ZNF550: variants seen among roughly 807,000 people sequenced by gnomAD.
The protein encoded by ZNF550 is zinc finger protein 550.
ZNF550 carries 42 observed loss-of-function variants against 40.2 expected under a neutral mutation model. That is an observed-to-expected ratio of 1.05 (90% CI 0.82 to 1.35). The LOEUF (loss-of-function observed/expected upper bound fraction) is 1.35. ZNF550 is among the 40% of genes most tolerant of loss of function. The probability of loss-of-function intolerance (pLI) is 0.00; values close to 1 mark genes in which losing one functional copy is unlikely to be tolerated. For synonymous variants in ZNF550, 223 were observed against 198.6 expected (o/e 1.12, Z -1.03); for missense variants, 549 against 525.2 (o/e 1.05, Z -0.44).
Position 57,554,806 on chromosome 19 carries a change from A to G in ZNF550, c.154+1425T>C, listed in dbSNP as rs1478443874. Reference sequence around the variant, plus strand: ...TCTCCCAAGAGCTGAGCTCCCTGTCACTTTTCACACGCTGGTTCCTCCACC... The same window carrying G: ...TCTCCCAAGAGCTGAGCTCCCTGTCGCTTTTCACACGCTGGTTCCTCCACC... On this transcript the variant is annotated intron_variant, in intron 2 of 4. Coordinates refer to ENST00000457177, the Ensembl canonical transcript of ZNF550. This position sits in a 1 kb window ranked among gnomAD's most constrained non-coding sequence, Gnocchi z 4.5. 6.6e-6 allele frequency: 1 copy of G among 152,234 alleles called. No individual in the cohort carries two copies. 9.4% of individuals were successfully genotyped at this position (152,234 alleles called of 1,614,324 possible). A position where few individuals can be genotyped will look rare whatever the true frequency, so the allele number is the denominator to read the frequency against.
At chr19:57,559,577 C>G in intron 1 of ZNF550, 79 bp downstream of exon 1, 1 of 1,379,774 alleles carries the variant, frequency 7.2e-7, no homozygotes, top group Non-Finnish European at 9.6e-7. Context: ...GAGGACGACC[C>G]TGAAACGCCG....
exon 4 of ZNF550, chr19:57,547,013 T>G: frequency 6.2e-7 from 1 of 1,613,374 alleles, no homozygotes; most frequent in Non-Finnish European, 8.5e-7. Flanking sequence ...AGGTGTGACC[T>G]GCGTTTGAAG....
upstream of ZNF550, chr19:57,559,997 T>G (rs2090157452): frequency 2.9e-6 from 1 of 346,596 alleles, no homozygotes; most frequent in Admixed American, 4.7e-5. Context: ...TGTTTCTGTA[T>G]ATCTCAGATG....
exon 4 of ZNF550, chr19:57,546,494 C>T: frequency 1.0e-6 from 1 of 988,902 alleles, no homozygotes; most frequent in Non-Finnish European, 1.2e-6. Flanking sequence ...TAGAGAAAAT[C>T]CCAAGGTGGG....
chr19:57,558,385 A>C (rs1210413736), intron 1 of ZNF550, among the ~76,000 whole-genome samples: 2 of 152,174 alleles, frequency 1.3e-5, no homozygotes. Flanking sequence ...AGCCTTGCAG[A>C]CCATGCTGGT....
At chr19:57,561,028 C>T (rs541250435), upstream of ZNF550, among the ~76,000 whole-genome samples, 1 of 152,300 alleles carries the variant, frequency 6.6e-6, no homozygotes, top group African/African-American at 2.4e-5. This position sits in a 1 kb window ranked among gnomAD's most constrained non-coding sequence, Gnocchi z 4.9. Flanking sequence ...GTTACTGCCC[C>T]CTTTCTCTCT....
At chr19:57,549,991 A>T (rs2090058611) in intron 3 of ZNF550, among the ~76,000 whole-genome samples, 1 of 152,210 alleles carries the variant, frequency 6.6e-6, no homozygotes, top group South Asian at 2.1e-4. Context: ...CATGAGGTTA[A>T]ATGAGAAAAT....
At position 57,544,156 on chromosome 19, in the gene ZNF550, A is replaced by G. The variant is rs544556289; in HGVS notation, c.*519-913T>C. 1.1e-3 allele frequency: 1,118 copies of G among 985,404 alleles called. 2 individuals are homozygous for G. The highest frequency in any genetic ancestry group is 2.6e-3 in the Middle Eastern group (5 of 1,914). 61.0% of individuals were successfully genotyped at this position (985,404 alleles called of 1,614,324 possible). A position where few individuals can be genotyped will look rare whatever the true frequency, so the allele number is the denominator to read the frequency against. On this transcript the variant is annotated intron_variant, in intron 4 of 4. Transcript: ENST00000457177. Reference sequence around the variant, plus strand: ...GGCAGGACCCATAGCCCAGCCATCCACTGCATCCCACTCTTCTAAGTATGA... The same window carrying G: ...GGCAGGACCCATAGCCCAGCCATCCGCTGCATCCCACTCTTCTAAGTATGA...
exon 5 of ZNF550, chr19:57,542,271 G>A (rs1449691927): frequency 6.7e-6 from 1 of 149,800 alleles, no homozygotes; most frequent in Non-Finnish European, 1.5e-5. Context: ...TATGGGAGAG[G>A]AAGGGCAATG....
intron 3 of ZNF550, chr19:57,552,329 A>C (rs1336892005): frequency 6.9e-6 from 3 of 432,418 alleles, no homozygotes; most frequent in Non-Finnish European, 1.2e-5. Context: ...GTGGTTGTCA[A>C]GTATGTGTAC....
upstream of ZNF550, among the ~76,000 whole-genome samples, chr19:57,560,803 A>T (rs1350617218): frequency 6.6e-6 from 1 of 152,166 alleles, no homozygotes; most frequent in Non-Finnish European, 1.5e-5. Context: ...GAAATGGGTC[A>T]AATCTAGCGT....
At chr19:57,553,034 CAG>C (rs888049013) in intron 2 of ZNF550, 3 of 234,498 alleles carry the variant, frequency 1.3e-5, no homozygotes, top group South Asian at 1.3e-4. Flanking sequence ...CTCATAAAAA[CAG>C]AGAGAGATCT....
chr19:57,554,936 C>T lies in ZNF550; in HGVS notation c.154+1295G>A, dbSNP rs2090106278. 1 of 152,254 alleles carries T rather than the reference C, an allele frequency of 6.6e-6. No individual in the cohort carries two copies. The highest frequency in any genetic ancestry group is 2.1e-4 in the South Asian group (1 of 4,832). The allele number at this position is 152,254 out of a possible 1,614,324, so 9.4% of individuals were successfully genotyped here. ...TTCCTGAGATGCCCTCTTTGGAACT[C>T]CCACAATAGGTTATGACATCCTGCT... On this transcript the variant is annotated intron_variant, in intron 2 of 4. Coordinates refer to ENST00000457177, the Ensembl canonical transcript of ZNF550. This position sits in a 1 kb window ranked among gnomAD's most constrained non-coding sequence, Gnocchi z 4.5.
At chr19:57,543,561 A>AT in intron 4 of ZNF550, 1 of 967,684 alleles carries the variant, frequency 1.0e-6, no homozygotes, top group African/African-American at 1.8e-5. Context: ...TTTCTCACAG[A>AT]TTAAGCAGCA....
At chr19:57,544,798 A>G (rs767328343) in intron 4 of ZNF550, among the ~76,000 whole-genome samples, 18 of 152,214 alleles carry the variant, frequency 1.2e-4, no homozygotes, top group Non-Finnish European at 2.5e-4. Flanking sequence ...CTTGAAAACT[A>G]AAAGAAAATC....
intron 4 of ZNF550, among the ~76,000 whole-genome samples, chr19:57,546,071 A>G (rs2090006297): frequency 2.6e-5 from 4 of 152,150 alleles, no homozygotes; most frequent in Admixed American, 2.6e-4. Context: ...TAGGTATTGC[A>G]CATTTTAATG....
rs568248205 is a variant in ZNF550, at chr19:57,556,994, A to G, written c.28-637T>C. 2.6e-5 allele frequency: 4 copies of G among 152,724 alleles called. No individual in the cohort carries two copies. The East Asian group carries it at 5.8e-4, about 22-fold the overall frequency. 9.5% of individuals were successfully genotyped at this position (152,724 alleles called of 1,614,324 possible). A position where few individuals can be genotyped will look rare whatever the true frequency, so the allele number is the denominator to read the frequency against. On this transcript the variant is annotated intron_variant, in intron 1 of 4. Transcript: ENST00000457177. ...CCCGTCTCGGGTACCCAGGGACACA[A>G]TGCACTGCGGAAGGCCACAGGGACC... is the stretch of plus-strand genomic sequence containing the variant.
At chr19:57,550,155 T>A (rs1599893444) in intron 3 of ZNF550, among the ~76,000 whole-genome samples, 2 of 152,192 alleles carry the variant, frequency 1.3e-5, no homozygotes, top group African/African-American at 2.4e-5. Flanking sequence ...CTGTGCTTCA[T>A]GAAGTGGCCA....
At position 57,559,645 on chromosome 19, in the gene ZNF550, A is replaced by G; in HGVS notation, c.27+11T>C. The G allele has an allele frequency of 1.3e-6, 2 of 1,490,590 alleles. No individual in the cohort carries two copies. The highest frequency in any genetic ancestry group is 1.8e-6 in the Non-Finnish European group (2 of 1,114,954). 92.3% of individuals were successfully genotyped at this position (1,490,590 alleles called of 1,614,324 possible). A position where few individuals can be genotyped will look rare whatever the true frequency, so the allele number is the denominator to read the frequency against. On this transcript the variant is annotated intron_variant, in intron 1 of 4. Transcript: ENST00000457177. ...CCGGGTGGCCGCGGGGAGCCGAGCC[A>G]GTCTGCTCACCTGCGCTGCGTCCTT...
Sources: allele counts gnomAD v4.1 joint callset (sites outside exome capture counted in the v4.1 genomes callset), GRCh38; gene constraint gnomAD v4.1.1; non-coding constraint Gnocchi (gnomAD v3.1); transcripts MANE v1.5; gene names NCBI Gene and HGNC (gene_info 2026-07-23, HGNC 2026-07-21).